ADGRV1: variants seen among roughly 807,000 people sequenced by gnomAD.
ADGRV1 encodes G-protein coupled receptor 98.
Under a neutral mutation model 596.2 loss-of-function variants are expected in ADGRV1, and 359 were observed. The observed-to-expected ratio is 0.60, with a 90% CI of 0.55 to 0.66. ADGRV1 has a LOEUF of 0.66. Among genes scored for constraint, ADGRV1 ranks in the 30% least tolerant of loss-of-function variants. The pLI is 0.00. For synonymous variants in ADGRV1, 2,681 were observed against 2,679.2 expected, an observed-to-expected ratio of 1.00 and a Z score of -0.02; for missense variants, 7,274 against 7,575.6, an observed-to-expected ratio of 0.96 and a Z score of 1.48.
intron 77 of ADGRV1, among the ~76,000 whole-genome samples, chr5:90,831,662 C>T (rs534305875): frequency 1.3e-4 from 20 of 152,064 alleles, no homozygotes; most frequent in Admixed American, 3.3e-4. Flanking sequence ...AGATTGTATT[C>T]ATTCTGACTA....
At chr5:90,652,272 T>G (rs1446087373) in intron 18 of ADGRV1, 74 bp from the exon 19 acceptor site, 8 of 1,066,604 alleles carry the variant, frequency 7.5e-6, no homozygotes, top group Non-Finnish European at 1.1e-5. Context: ...AAAAATATGT[T>G]TCCTTAATAA....
At chr5:90,582,193 T>C (rs982822700) in intron 1 of ADGRV1, among the ~76,000 whole-genome samples, 7 of 151,688 alleles carry the variant, frequency 4.6e-5, no homozygotes, top group African/African-American at 1.7e-4. Context: ...GTTCTGTAGA[T>C]GTATATTAGG....
chr5:90,605,684 G>T (rs569477468), intron 1 of ADGRV1, among the ~76,000 whole-genome samples: 73 of 152,182 alleles, frequency 4.8e-4, no homozygotes, highest in Middle Eastern at 3.4e-3. Flanking sequence ...AATATAAAAT[G>T]AACATGTCAA....
intron 87 of ADGRV1, among the ~76,000 whole-genome samples, chr5:91,145,206 A>G (rs201276670): frequency 3.7e-4 from 57 of 152,364 alleles, no homozygotes; most frequent in African/African-American, 1.3e-3. Flanking sequence ...AGAAAAAAAA[A>G]CATGCAGCTT....
At chr5:90,686,839 A>G (rs1397638394) in intron 29 of ADGRV1, among the ~76,000 whole-genome samples, 1 of 152,100 alleles carries the variant, frequency 6.6e-6, no homozygotes, top group East Asian at 1.9e-4. Flanking sequence ...CAACAGTGTA[A>G]AAGTGTTCCT....
chr5:90,857,474 T>G (rs892934773), intron 82 of ADGRV1, among the ~76,000 whole-genome samples: 4 of 152,174 alleles, frequency 2.6e-5, no homozygotes, highest in East Asian at 1.9e-4. Flanking sequence ...ATAATGAGTT[T>G]CCTGGAGAAT....
At chr5:90,831,315 G>A (rs181859838) in intron 77 of ADGRV1, among the ~76,000 whole-genome samples, 36 of 144,584 alleles carry the variant, frequency 2.5e-4, no homozygotes, top group African/African-American at 6.7e-4. Context: ...ATAAGTACAC[G>A]CACACACACA....
chr5:91,001,809 A>G (rs1013018095), intron 85 of ADGRV1, among the ~76,000 whole-genome samples: 4 of 152,018 alleles, frequency 2.6e-5, no homozygotes, highest in South Asian at 2.1e-4. Flanking sequence ...CTGAATATCA[A>G]TTAACTTATT....
chr5:91,011,444 A>G (rs138036283), intron 85 of ADGRV1, among the ~76,000 whole-genome samples: 4 of 151,896 alleles, frequency 2.6e-5, no homozygotes, highest in East Asian at 1.9e-4. Context: ...TTATTTAGTC[A>G]TCTTCACCCT....
rs893175124 is a variant in ADGRV1 at position 90,720,091 on chromosome 5, A to G, written c.9491A>G (p.Asp3164Gly). 2 of 1,613,786 alleles carry G rather than the reference A, an allele frequency of 1.2e-6. No individual in the cohort carries two copies. Among genetic ancestry groups the G allele is most frequent in the Non-Finnish European group, 1.7e-6 (2 of 1,179,724 alleles). Residue 3164 changes from aspartate to glycine, a missense_variant, in exon 44 of 90, where the codon GAT (aspartate) becomes GGT (glycine). This residue lies in a region of ADGRV1 where 3,643 missense variants were observed against 3,809.2 expected (regional missense o/e 0.96). Transcript: ENST00000405460. Reference protein sequence around the residue: ...SAILDTEPEMDEYFVCTLFNP... With the variant: ...SAILDTEPEMGEYFVCTLFNP... The stretch of plus-strand genomic sequence containing the variant: ...ATATTAGACACGGAACCAGAAATGG[A>G]TGAGTATTTTGTTTGCACCTTGTTT...
At chr5:91,093,930 C>T (rs549710026) in intron 86 of ADGRV1, among the ~76,000 whole-genome samples, 6 of 150,846 alleles carry the variant, frequency 4.0e-5, no homozygotes, top group Non-Finnish European at 8.8e-5. Flanking sequence ...CTGCTCACTG[C>T]AACCTCAGCC....
intron 52 of ADGRV1, among the ~76,000 whole-genome samples, chr5:90,749,793 G>A (rs113803774): frequency 2.6e-5 from 4 of 152,168 alleles, no homozygotes; most frequent in African/African-American, 9.7e-5. Context: ...GTGAAGAATG[G>A]TGTAGTCACA....
chr5:90,726,319 C>G (rs764577107), intron 48 of ADGRV1, among the ~76,000 whole-genome samples: 6 of 152,192 alleles, frequency 3.9e-5, no homozygotes, highest in Non-Finnish European at 8.8e-5. Flanking sequence ...TCTGACATCT[C>G]TCTCTCTATT....
chr5:91,035,861 T>TATATATATATATATA, intron 85 of ADGRV1, among the ~76,000 whole-genome samples: 1 of 96,402 alleles, frequency 1.0e-5, no homozygotes, highest in African/African-American at 3.8e-5. Context: ...TATATATATA[T>TATATATATATATATA]TATATATATA....
chr5:90,576,520 A>G (rs1472108713), intron 1 of ADGRV1, among the ~76,000 whole-genome samples: 7 of 152,122 alleles, frequency 4.6e-5, no homozygotes, highest in Non-Finnish European at 1.5e-5. Context: ...TCACTGATGG[A>G]CATTTGGGTT....
At chr5:90,979,666 A>T (rs959960025) in intron 84 of ADGRV1, among the ~76,000 whole-genome samples, 1 of 152,178 alleles carries the variant, frequency 6.6e-6, no homozygotes, top group Non-Finnish European at 1.5e-5. Context: ...AAAAAAACAT[A>T]GTCTGCATAC....
chr5:91,147,585 A>C (rs1306643365), intron 87 of ADGRV1, among the ~76,000 whole-genome samples: 2 of 152,114 alleles, frequency 1.3e-5, no homozygotes, highest in Non-Finnish European at 2.9e-5. Context: ...CTCCCTGTGA[A>C]GAGGTGCCTT....
intron 86 of ADGRV1, among the ~76,000 whole-genome samples, chr5:91,095,694 G>A (rs558231227): frequency 6.6e-6 from 1 of 152,060 alleles, no homozygotes. Context: ...TTAGAAATAA[G>A]GCTCTTTGAT....
chr5:91,063,989 G>C (rs1259341042), intron 85 of ADGRV1, among the ~76,000 whole-genome samples: 1 of 152,132 alleles, frequency 6.6e-6, no homozygotes, highest in Non-Finnish European at 1.5e-5. Flanking sequence ...CATGCCTTAG[G>C]CATCTTTATA....
Sources: gnomAD v4.1 joint callset for allele counts (sites outside exome capture counted in the v4.1 genomes callset) on GRCh38, gnomAD v4.1.1 for gene constraint, gnomAD v4.1.1 regional missense constraint, MANE v1.5 for transcripts, NCBI Gene and HGNC (gene_info 2026-07-23, HGNC 2026-07-21) for gene names.